The following CFAP61 variants were observed in gnomAD, a reference collection of about 807,000 sequenced individuals.
CFAP61 encodes the protein cilia- and flagella-associated protein 61.
CFAP61 carries 107 observed loss-of-function variants against 135.6 expected under a neutral mutation model. That is an observed-to-expected ratio of 0.79 (90% CI 0.67 to 0.93). The LOEUF is 0.93. CFAP61 is among the 40% of genes least tolerant of loss of function. CFAP61 has a pLI of 0.00. For synonymous variants in CFAP61, 575 were observed against 578.5 expected, an observed-to-expected ratio of 0.99 and a Z score of 0.09; for missense variants, 1,507 against 1,556.2, an observed-to-expected ratio of 0.97 and a Z score of 0.53.
At chr20:20,323,282 A>G in intron 25 of CFAP61, 1 of 985,496 alleles carries the variant, frequency 1.0e-6, no homozygotes, top group Non-Finnish European at 1.2e-6. Context: ...AAAAAGGACA[A>G]CAAACAACCC....
chr20:20,246,141 T>C lies in CFAP61; in HGVS notation c.2085T>C (p.Leu695=), dbSNP rs778728725. The part of the protein sequence containing the change: ...VFCSHMKFNN[L]TLISTHGLPG... ...GCTCTCACATGAAGTTTAATAATCT[T>C]ACCCTGATTTCAACTCATGGACTCC... is the stretch of plus-strand genomic sequence containing the variant. The change falls in exon 19 of 27, where the codon CTT becomes CTC. Residue 695 remains leucine (L), a synonymous_variant. Coordinates refer to ENST00000245957, the MANE Select transcript of CFAP61 (RefSeq NM_015585.4). 106 of 1,612,360 alleles carry C rather than the reference T, an allele frequency of 6.6e-5. No homozygotes were observed. The highest frequency in any genetic ancestry group is 8.6e-5 in the Non-Finnish European group (101 of 1,178,588).
intron 22 of CFAP61, among the ~76,000 whole-genome samples, chr20:20,281,711 T>C (rs2149044): frequency 0.77 from 116,960 of 152,064 alleles, 45,495 homozygotes; most frequent in Middle Eastern, 0.87. Flanking sequence ...GATGTTGATA[T>C]AGAATTTTCT....
chr20:20,257,513 G>C, intron 20 of CFAP61, among the ~76,000 whole-genome samples: 1 of 151,594 alleles, frequency 6.6e-6, no homozygotes, highest in East Asian at 1.9e-4. Context: ...TACTTGGAAG[G>C]CTGAGGCAAA....
chr20:20,162,707 T>C (rs2053504977), intron 10 of CFAP61, among the ~76,000 whole-genome samples: 1 of 152,172 alleles, frequency 6.6e-6, no homozygotes. Flanking sequence ...AGCTCATATA[T>C]TATCTCAAAC....
intron 22 of CFAP61, among the ~76,000 whole-genome samples, chr20:20,282,102 C>A (rs1447177434): frequency 1.3e-5 from 2 of 151,936 alleles, no homozygotes; most frequent in South Asian, 4.1e-4. Context: ...GTAGTAATAA[C>A]CCCTCATTTA....
chr20:20,127,159 G>A lies in CFAP61; in HGVS notation c.860-15698G>A, dbSNP rs554757880. Among the ~76,000 whole-genome samples, 69 of 151,508 alleles carry A rather than the reference G, an allele frequency of 4.6e-4. 3 individuals carry two copies. Among genetic ancestry groups the A allele is most frequent in the African/African-American group, 1.5e-3 (61 of 41,008 alleles). ...TTTGGATTTCCTTGCATTGGGCTTC[G>A]CCTTTCTCTGGTGCCTCCCTGATAA... On this transcript the variant is annotated intron_variant, in intron 8 of 26. Coordinates refer to ENST00000245957, the MANE Select transcript of CFAP61 (RefSeq NM_015585.4).
At chr20:20,154,737 A>G (rs2052742928) in intron 9 of CFAP61, among the ~76,000 whole-genome samples, 1 of 152,182 alleles carries the variant, frequency 6.6e-6, no homozygotes, top group Non-Finnish European at 1.5e-5. Flanking sequence ...AGACCTCTAC[A>G]AGGAAAACTA....
chr20:20,222,252 T>C (rs916814487), intron 17 of CFAP61, among the ~76,000 whole-genome samples: 3 of 152,146 alleles, frequency 2.0e-5, no homozygotes, highest in African/African-American at 7.2e-5. Flanking sequence ...AAAATAATGA[T>C]AATGCCCAAA....
At chr20:20,132,705 A>G (rs1168770092) in intron 8 of CFAP61, among the ~76,000 whole-genome samples, 1 of 151,992 alleles carries the variant, frequency 6.6e-6, no homozygotes, top group Non-Finnish European at 1.5e-5. Context: ...CATAATTTTT[A>G]AATTATTCTA....
intron 18 of CFAP61, among the ~76,000 whole-genome samples, chr20:20,235,798 A>G (rs569069800): frequency 6.6e-6 from 1 of 152,326 alleles, no homozygotes; most frequent in Non-Finnish European, 1.5e-5. Context: ...GCCCAGAAAC[A>G]GCCCCGCCTG....
At chr20:20,282,094 A>C (rs2054236388) in intron 22 of CFAP61, among the ~76,000 whole-genome samples, 1 of 152,152 alleles carries the variant, frequency 6.6e-6, no homozygotes, top group Non-Finnish European at 1.5e-5. Flanking sequence ...TAGGATCTGT[A>C]GTAATAACCC....
intron 22 of CFAP61, 95 bp from the exon 23 acceptor site, chr20:20,288,514 C>T (rs2054759172): frequency 2.1e-6 from 2 of 934,162 alleles, no homozygotes; most frequent in South Asian, 1.5e-5. Flanking sequence ...ATTTTTGTGC[C>T]CCGAATAATA....
intron 9 of CFAP61, among the ~76,000 whole-genome samples, chr20:20,153,846 C>T (rs564282598): frequency 6.6e-6 from 1 of 152,178 alleles, no homozygotes; most frequent in Admixed American, 6.5e-5. Context: ...GGTAATCCTC[C>T]TTAAATCATT....
chr20:20,060,597 GT>G (rs2044721378), intron 2 of CFAP61, among the ~76,000 whole-genome samples: 1 of 152,242 alleles, frequency 6.6e-6, no homozygotes, highest in African/African-American at 2.4e-5. Context: ...GGTGTGGTAA[GT>G]GGTGTGCAAA....
chr20:20,198,872 G>T (rs942195519), intron 16 of CFAP61, among the ~76,000 whole-genome samples: 2 of 152,174 alleles, frequency 1.3e-5, no homozygotes, highest in African/African-American at 4.8e-5. Flanking sequence ...TGCATCTACA[G>T]TTGTTTTTCT....
At chr20:20,189,345 T>C (rs2146870454) in intron 14 of CFAP61, among the ~76,000 whole-genome samples, 1 of 152,296 alleles carries the variant, frequency 6.6e-6, no homozygotes, top group South Asian at 2.1e-4. Context: ...CAAGTCCTGG[T>C]TCTCAAAGTA....
intron 10 of CFAP61, among the ~76,000 whole-genome samples, 196 bp downstream of exon 10, chr20:20,159,640 T>A (rs2053234565): frequency 6.6e-6 from 1 of 152,216 alleles, no homozygotes; most frequent in Non-Finnish European, 1.5e-5. Context: ...GATTAATCTT[T>A]TCTTCTGTAT....
chr20:20,330,113 A>C (rs1285235704), intron 25 of CFAP61, among the ~76,000 whole-genome samples: 1 of 152,178 alleles, frequency 6.6e-6, no homozygotes, highest in African/African-American at 2.4e-5. Context: ...CACATACAAA[A>C]TTGTACCCTT....
intron 25 of CFAP61, among the ~76,000 whole-genome samples, chr20:20,323,894 G>A (rs1349567983): frequency 6.6e-6 from 1 of 152,082 alleles, no homozygotes; most frequent in Non-Finnish European, 1.5e-5. Flanking sequence ...TAGCTTCTCA[G>A]CATATTCTGA....
Sources: allele counts gnomAD v4.1 joint callset (sites outside exome capture counted in the v4.1 genomes callset), GRCh38; gene constraint gnomAD v4.1.1; transcripts MANE v1.5; gene names NCBI Gene and HGNC (gene_info 2026-07-23, HGNC 2026-07-21).